NEDD9: variants seen among roughly 807,000 people sequenced by gnomAD.
The protein encoded by NEDD9 is neural precursor cell expressed, developmentally down-regulated 9.
A neutral mutation model predicts 76.6 loss-of-function variants in NEDD9; 26 were observed. The ratio of observed to expected loss-of-function variants is 0.34; its 90% CI spans 0.25 to 0.47. The LOEUF (loss-of-function observed/expected upper bound fraction) is 0.47, where lower values mean the gene tolerates loss of function less well. NEDD9 is among the 20% of genes least tolerant of loss of function. The probability of loss-of-function intolerance (pLI) is 1.00; values close to 1 mark genes in which losing one functional copy is unlikely to be tolerated. For synonymous variants in NEDD9, 392 were observed against 414.2 expected, an observed-to-expected ratio of 0.95 and a Z score of 0.65; for missense variants, 937 against 1,058.5, an observed-to-expected ratio of 0.89 and a Z score of 1.59.
chr6:11,381,829 A>T (rs1763067160), intron 1 of NEDD9, among the ~76,000 whole-genome samples: 1 of 152,218 alleles, frequency 6.6e-6, no homozygotes, highest in Admixed American at 6.5e-5. Flanking sequence ...CTGTCAGGTA[A>T]GCTCTCTGAC....
chr6:11,298,422 T>C (rs900333524), intron 3 of NEDD9, among the ~76,000 whole-genome samples: 1 of 152,082 alleles, frequency 6.6e-6, no homozygotes, highest in African/African-American at 2.4e-5. Flanking sequence ...CTAAAGCAAA[T>C]TAAAAAATTG....
In NEDD9 at chr6:11,223,359, CT is replaced by C. The variant is rs545941246; in HGVS notation, c.12+9144del. On this transcript the variant is annotated intron_variant, in intron 1 of 6. Transcript: ENST00000379446. Reference sequence around the variant, plus strand: ...CATGAGATTATTTACTCCAAATGCTCTGATTTCTTCAGGAAAAAGAGTCTCT... The same window carrying C: ...CATGAGATTATTTACTCCAAATGCTCGATTTCTTCAGGAAAAAGAGTCTCT... Among the ~76,000 whole-genome samples, 13 of 152,148 alleles carry C rather than the reference CT, an allele frequency of 8.5e-5. No homozygotes were observed. In the South Asian group the frequency reaches 2.5e-3, roughly 29 times the overall value.
chr6:11,261,888 A>G (rs1016136303), intron 3 of NEDD9, among the ~76,000 whole-genome samples: 5 of 152,146 alleles, frequency 3.3e-5, no homozygotes, highest in African/African-American at 1.2e-4. Context: ...CATTATTGCT[A>G]TGATGTGTTA....
chr6:11,373,610 G>A (rs1762919847), intron 1 of NEDD9, among the ~76,000 whole-genome samples: 1 of 152,160 alleles, frequency 6.6e-6, no homozygotes, highest in South Asian at 2.1e-4. Flanking sequence ...CTAATATGGT[G>A]CCTGGCCCAT....
intron 3 of NEDD9, among the ~76,000 whole-genome samples, chr6:11,261,589 C>A (rs1162054627): frequency 1.3e-5 from 2 of 152,142 alleles, no homozygotes; most frequent in Admixed American, 6.5e-5. Flanking sequence ...TCTCAAAGAA[C>A]AATAGAGTTG....
chr6:11,201,308 C>T (rs1471751103), intron 2 of NEDD9, among the ~76,000 whole-genome samples: 1 of 152,206 alleles, frequency 6.6e-6, no homozygotes, highest in Non-Finnish European at 1.5e-5. Context: ...CTGCCACTCA[C>T]AAAGGCCAAT....
intron 5 of NEDD9, 40 bp downstream of exon 5, chr6:11,189,924 G>A (rs373438067): frequency 6.7e-7 from 1 of 1,502,258 alleles, no homozygotes; most frequent in Admixed American, 2.3e-5. Context: ...CTCCCTGCAT[G>A]TGAGTGAGTG....
chr6:11,280,845 C>A (rs1485081428), intron 3 of NEDD9, among the ~76,000 whole-genome samples: 1 of 152,226 alleles, frequency 6.6e-6, no homozygotes, highest in East Asian at 1.9e-4. Flanking sequence ...TGTAGCTAGT[C>A]CTGGCATCAA....
At chr6:11,303,258 C>T (rs1235748801) in intron 3 of NEDD9, among the ~76,000 whole-genome samples, 18 of 152,182 alleles carry the variant, frequency 1.2e-4, no homozygotes, top group Non-Finnish European at 1.5e-5. Flanking sequence ...AGTGAACTCC[C>T]ATTCACAATT....
rs1316409881 is a variant in NEDD9 at position 11,192,396 on chromosome 6, T to C, written c.612A>G (p.Pro204=). The change falls in exon 4 of 7, where the codon CCA becomes CCG. Residue 204 remains proline (P), a synonymous_variant. Transcript: ENST00000379446. The stretch of plus-strand genomic sequence containing the variant: ...CCCCTTGAGGTTTTATCTCTCCCAC[T>C]GGAACTGAAAACACAGGGCCTTTTG... ...SSAKGPVFSV[P]VGEIKPQGVY... 3 of 1,608,588 alleles carry C rather than the reference T, an allele frequency of 1.9e-6. No homozygotes were observed. The highest frequency in any genetic ancestry group is 1.7e-4 in the Middle Eastern group (1 of 6,054).
intron 1 of NEDD9, among the ~76,000 whole-genome samples, chr6:11,374,103 A>G (rs567750365): frequency 1.3e-5 from 2 of 151,784 alleles, no homozygotes; most frequent in African/African-American, 4.8e-5. Flanking sequence ...CACACATTCC[A>G]TTGGTTCTGT....
chr6:11,212,051 G>A (rs1477345607), intron 2 of NEDD9, among the ~76,000 whole-genome samples: 1 of 152,098 alleles, frequency 6.6e-6, no homozygotes, highest in African/African-American at 2.4e-5. Flanking sequence ...TTCAACAGAG[G>A]ATTCTAATAC....
chr6:11,190,102 C>T lies in NEDD9; in HGVS notation c.1767G>A (p.Leu589=). 1 of 1,610,484 alleles carries T rather than the reference C, an allele frequency of 6.2e-7. No homozygotes were observed. Among genetic ancestry groups the T allele is most frequent in the Non-Finnish European group, 8.5e-7 (1 of 1,177,806 alleles). The part of the protein sequence containing the change: ...YPHGGSQGQL[L]HPGDHKAQAH... Reference sequence around the variant, plus strand: ...CCTGGGCCTTGTGGTCACCAGGATGCAGCAGCTGTCCCTGGGAGCCACCGT... The same window carrying T: ...CCTGGGCCTTGTGGTCACCAGGATGTAGCAGCTGTCCCTGGGAGCCACCGT... The change falls in exon 5 of 7, where the codon CTG becomes CTA. Residue 589 remains leucine, a synonymous_variant. Coordinates refer to ENST00000379446, the MANE Select transcript of NEDD9 (RefSeq NM_006403.4). The surrounding 1 kb of genome is among the most constrained non-coding windows in gnomAD (Gnocchi z 5.8).
chr6:11,316,267 T>A (rs1761557629), intron 2 of NEDD9, among the ~76,000 whole-genome samples: 1 of 152,216 alleles, frequency 6.6e-6, no homozygotes, highest in Non-Finnish European at 1.5e-5. Flanking sequence ...CCCAAGTAAG[T>A]TCACTTGCTG....
At position 11,209,398 on chromosome 6, in the gene NEDD9, C is replaced by T. The variant is rs186025105; in HGVS notation, c.459+3883G>A. 1.5e-4 allele frequency among the ~76,000 whole-genome samples: 23 copies of T among 152,162 alleles called. No homozygotes were observed. In the East Asian group the frequency reaches 4.4e-3, roughly 29 times the overall value. On this transcript the variant is annotated intron_variant, in intron 2 of 6. Transcript: ENST00000379446. Reference sequence around the variant, plus strand: ...TTCAGATAACTTGGAGAGTTTTTTTCCACCCTTTGCAGAATTCTTGCAGAA... The same window carrying T: ...TTCAGATAACTTGGAGAGTTTTTTTTCACCCTTTGCAGAATTCTTGCAGAA...
At position 11,185,059 on chromosome 6, in the gene NEDD9, T is replaced by A. The variant is rs1294326246; in HGVS notation, c.*103A>T. 1 of 1,315,348 alleles carries A rather than the reference T, an allele frequency of 7.6e-7. No homozygotes were observed. The highest frequency in any genetic ancestry group is 1.5e-5 in the African/African-American group (1 of 67,090). 81.5% of individuals were successfully genotyped at this position (1,315,348 alleles called of 1,614,324 possible). A position where few individuals can be genotyped will look rare whatever the true frequency, so the allele number is the denominator to read the frequency against. ...AAAATGTTAAAATATTTCATTTTTATATAAAATATCTACAAAAATAGATAA... is the reference window on the plus strand; with the variant it reads ...AAAATGTTAAAATATTTCATTTTTAAATAAAATATCTACAAAAATAGATAA... On this transcript the variant is annotated 3_prime_UTR_variant, in exon 7 of 7. Transcript: ENST00000379446.
chr6:11,241,251 G>T lies in NEDD9; in HGVS notation c.13-27524C>A, dbSNP rs1307640541. Among the ~76,000 whole-genome samples the T allele has an allele frequency of 6.6e-6, 1 of 152,174 alleles. No homozygotes were observed. Among genetic ancestry groups the T allele is most frequent in the Admixed American group, 6.5e-5 (1 of 15,286 alleles). ...AAATGAAGGGGAGCAAAGGCATCAG[G>T]TCTTCTTCTTGCTAACCTTTGTGCT... On this transcript the variant is annotated intron_variant, in intron 3 of 3. Transcript: ENST00000397378. The surrounding 1 kb of genome is among the most constrained non-coding windows in gnomAD (Gnocchi z 4.0).
At chr6:11,356,241 A>G (rs1762573258) in intron 1 of NEDD9, among the ~76,000 whole-genome samples, 1 of 152,164 alleles carries the variant, frequency 6.6e-6, no homozygotes, top group Non-Finnish European at 1.5e-5. Context: ...AATGGCTCTT[A>G]TAGACCACTG....
At chr6:11,366,594 A>C (rs1039472019) in intron 1 of NEDD9, among the ~76,000 whole-genome samples, 6 of 152,200 alleles carry the variant, frequency 3.9e-5, no homozygotes, top group Non-Finnish European at 7.4e-5. Flanking sequence ...AATGTATGAG[A>C]GGTGGAAACC....
Sources: allele counts gnomAD v4.1 joint callset (sites outside exome capture counted in the v4.1 genomes callset), GRCh38; gene constraint gnomAD v4.1.1; non-coding constraint Gnocchi (gnomAD v3.1); transcripts MANE v1.5; gene names NCBI Gene and HGNC (gene_info 2026-07-23, HGNC 2026-07-21).